Variants in GLIS3 observed in about 807,000 individuals in gnomAD.
The protein encoded by GLIS3 is GLIS family zinc finger 3, also known as zinc finger protein GLIS3.
GLIS3 carries 53 observed loss-of-function variants against 78.6 expected under a neutral mutation model. The ratio of observed to expected loss-of-function variants is 0.67; its 90% CI spans 0.54 to 0.85. The LOEUF is 0.85. GLIS3 is among the 40% of genes least tolerant of loss of function. The pLI is 0.00. For missense variants in GLIS3, 1,703 were observed against 1,231.1 expected (o/e 1.38, Z -5.74); for synonymous variants, 684 against 509.9 (o/e 1.34, Z -4.60).
At chr9:3,879,361 G>C in intron 8 of GLIS3, 66 bp downstream of exon 8, 1 of 1,477,590 alleles carries the variant, frequency 6.8e-7, no homozygotes, top group Non-Finnish European at 9.5e-7. Context: ...CAACTGTCAA[G>C]GCACTTGTCT....
chr9:3,900,311 CAG>C (rs1294753233), intron 6 of GLIS3, among the ~76,000 whole-genome samples: 1 of 149,580 alleles, frequency 6.7e-6, no homozygotes, highest in East Asian at 2.0e-4. Flanking sequence ...TAAAAAAAAA[CAG>C]TAATGAAGGT....
At chr9:4,288,639 A>C (rs1336618503) in intron 1 of GLIS3, among the ~76,000 whole-genome samples, 1 of 152,226 alleles carries the variant, frequency 6.6e-6, no homozygotes, top group Non-Finnish European at 1.5e-5. Context: ...AACTTAATTA[A>C]GTATCAGGCA....
chr9:3,906,378 A>G (rs1388858188), intron 6 of GLIS3, among the ~76,000 whole-genome samples: 10 of 152,166 alleles, frequency 6.6e-5, no homozygotes, highest in Non-Finnish European at 1.5e-4. Flanking sequence ...GGTCCAGCTG[A>G]ATTGCTCGAC....
chr9:4,442,253 T>G, the GLIS3 span, among the ~76,000 whole-genome samples: 1 of 152,236 alleles, frequency 6.6e-6, no homozygotes, highest in Non-Finnish European at 1.5e-5. Flanking sequence ...TGTTCATAAT[T>G]GTCTGTTATG....
At chr9:4,406,445 C>G in the GLIS3 span, among the ~76,000 whole-genome samples, 1 of 152,144 alleles carries the variant, frequency 6.6e-6, no homozygotes, top group Non-Finnish European at 1.5e-5. Flanking sequence ...CTCAGCCTTC[C>G]AAGTAGCTGG....
chr9:4,180,294 T>C (rs556355180), intron 2 of GLIS3, among the ~76,000 whole-genome samples: 1 of 152,308 alleles, frequency 6.6e-6, no homozygotes, highest in African/African-American at 2.4e-5. Context: ...GCAATGATCC[T>C]ACCCCATTCA....
intron 9 of GLIS3, among the ~76,000 whole-genome samples, chr9:3,852,706 C>G (rs1317844657): frequency 3.3e-5 from 5 of 152,198 alleles, no homozygotes; most frequent in African/African-American, 1.2e-4. Flanking sequence ...AGTAAGGCTA[C>G]ATCTGGATAC....
At position 3,827,626 on chromosome 9, in the gene GLIS3, A is replaced by G. The variant is rs1817795274; in HGVS notation, c.*646T>C. The stretch of plus-strand genomic sequence containing the variant: ...CTTTACATTTTTTTTTCATTTTAAA[A>G]TACGTATAAATAACTAAGTCTTTAA... On this transcript the variant is annotated 3_prime_UTR_variant, in exon 11 of 11. Coordinates refer to ENST00000381971, the MANE Select transcript of GLIS3 (RefSeq NM_001042413.2). 1.3e-5 allele frequency: 2 copies of G among 154,448 alleles called. No homozygotes were observed. Among genetic ancestry groups the G allele is most frequent in the African/African-American group, 2.4e-5 (1 of 41,462 alleles). The allele number at this position is 154,448 out of a possible 1,614,324, so 9.6% of individuals were successfully genotyped here.
At chr9:4,094,896 T>TA (rs36020572) in intron 4 of GLIS3, among the ~76,000 whole-genome samples, 16,959 of 152,184 alleles carry the variant, frequency 0.11, 1,093 homozygotes, top group Non-Finnish European at 0.15. Flanking sequence ...TGCTTAATTT[T>TA]ATTTTTATTT....
chr9:3,854,467 G>GGTCT (rs1819627473), intron 9 of GLIS3, among the ~76,000 whole-genome samples: 1 of 152,044 alleles, frequency 6.6e-6, no homozygotes, highest in African/African-American at 2.4e-5. Context: ...GGTTTTTCAA[G>GGTCT]GTCTCTTCCT....
chr9:4,267,665 C>T (rs146751942), intron 2 of GLIS3, among the ~76,000 whole-genome samples: 2 of 152,286 alleles, frequency 1.3e-5, no homozygotes, highest in African/African-American at 4.8e-5. Context: ...GCTCCCAGTT[C>T]CTAAAAGGTG....
the GLIS3 span, among the ~76,000 whole-genome samples, chr9:4,409,592 G>C: frequency 6.6e-6 from 1 of 152,202 alleles, no homozygotes; most frequent in Non-Finnish European, 1.5e-5. Flanking sequence ...TTGTCACAGG[G>C]TGATGTCATA....
intron 2 of GLIS3, among the ~76,000 whole-genome samples, chr9:4,148,067 C>CT (rs1265535553): frequency 6.6e-6 from 1 of 151,968 alleles, no homozygotes; most frequent in African/African-American, 2.4e-5. Context: ...TCTCCCTCTC[C>CT]TTTTTTTTCT....
intron 9 of GLIS3, among the ~76,000 whole-genome samples, chr9:3,836,027 G>A (rs372655049): frequency 8.5e-5 from 13 of 152,110 alleles, no homozygotes; most frequent in African/African-American, 3.1e-4. Flanking sequence ...CTCTTTTCTG[G>A]AATGCATTCA....
chr9:3,916,350 C>T (rs552421275), intron 6 of GLIS3, among the ~76,000 whole-genome samples: 3 of 152,344 alleles, frequency 2.0e-5, no homozygotes, highest in East Asian at 3.9e-4. Flanking sequence ...CAAGCAAATT[C>T]CTTGATTTCT....
chr9:3,996,335 TG>T (rs1820742563), intron 4 of GLIS3, among the ~76,000 whole-genome samples: 1 of 152,044 alleles, frequency 6.6e-6, no homozygotes, highest in African/African-American at 2.4e-5. Context: ...CAGAAAAATA[TG>T]GGCAAGTCAA....
At chr9:4,066,049 A>AG (rs949827999) in intron 4 of GLIS3, among the ~76,000 whole-genome samples, 2 of 151,886 alleles carry the variant, frequency 1.3e-5, no homozygotes, top group Admixed American at 6.6e-5. Flanking sequence ...TAAAAAAAAA[A>AG]AAAAAGAAAC....
chr9:4,473,260 T>A, the GLIS3 span, among the ~76,000 whole-genome samples: 21 of 151,992 alleles, frequency 1.4e-4, no homozygotes, highest in African/African-American at 5.1e-4. Context: ...AGCCTGACCA[T>A]CATGGTGAAA....
the GLIS3 span, among the ~76,000 whole-genome samples, chr9:4,392,781 TTC>T: frequency 1.3e-5 from 2 of 152,204 alleles, no homozygotes; most frequent in South Asian, 2.1e-4. Flanking sequence ...AGTAGCCCTA[TTC>T]TCTGAGTCAA....
Sources: gnomAD v4.1 joint callset for allele counts (sites outside exome capture counted in the v4.1 genomes callset) on GRCh38, gnomAD v4.1.1 for gene constraint, MANE v1.5 for transcripts, NCBI Gene and HGNC (gene_info 2026-07-23, HGNC 2026-07-21) for gene names.